Variants in SCAF1 observed in about 807,000 individuals in gnomAD.
SCAF1 encodes splicing factor, arginine/serine-rich 19.
A neutral mutation model predicts 91.2 loss-of-function variants in SCAF1; 28 were observed. The observed-to-expected ratio is 0.31, with a 90% CI of 0.23 to 0.42. SCAF1 has a LOEUF of 0.42. Among genes scored for constraint, SCAF1 ranks in the 10% least tolerant of loss-of-function variants. The pLI is 1.00. For missense variants in SCAF1, 1,893 were observed against 1,872.1 expected (o/e 1.01, Z -0.21); for synonymous variants, 1,036 against 833.7 (o/e 1.24, Z -4.18).
Position 49,652,122 on chromosome 19 carries a change from C to T in SCAF1, c.1733C>T (p.Ser578Phe). The change falls in exon 7 of 11, where the codon TCC becomes TTC. Residue 578 changes from serine to phenylalanine, a missense_variant. Physicochemically the swap from Ser to Phe is radical, Grantham distance 155. Coordinates refer to ENST00000360565, the MANE Select transcript of SCAF1 (RefSeq NM_021228.3). ...SSARRRSRSR[S>F]RSRSTRRRSR... Reference sequence around the variant, plus strand: ...GCCCGCCGCCGCTCCCGCTCCCGCTCCCGCTCCCGCTCCACCCGCCGCCGC... The same window carrying T: ...GCCCGCCGCCGCTCCCGCTCCCGCTTCCGCTCCCGCTCCACCCGCCGCCGC... 8.9e-7 allele frequency: 1 copy of T among 1,122,504 alleles called. No individual in the cohort carries two copies. The highest frequency in any genetic ancestry group is 1.1e-6 in the Non-Finnish European group (1 of 910,616). 69.5% of individuals were successfully genotyped at this position (1,122,504 alleles called of 1,614,324 possible).
Position 49,652,021 on chromosome 19 carries a change from C to T in SCAF1, c.1632C>T (p.Pro544=). Residue 544 remains proline, a synonymous_variant, in exon 7 of 11, where the codon CCC becomes CCT. Transcript: ENST00000360565. ...SSSSGTQPAP[P]APASPWDSKK... ...CGTCGGGCACCCAGCCAGCGCCGCC[C>T]GCCCCGGCCTCGCCCTGGGACTCCA... 8.2e-7 allele frequency: 1 copy of T among 1,215,080 alleles called. No homozygotes were observed. Among genetic ancestry groups the T allele is most frequent in the Non-Finnish European group, 1.0e-6 (1 of 966,522 alleles). The allele number at this position is 1,215,080 out of a possible 1,614,324, so 75.3% of individuals were successfully genotyped here.
At chr19:49,641,334 G>A (rs1018237471), upstream of SCAF1, among the ~76,000 whole-genome samples, 2 of 152,162 alleles carry the variant, frequency 1.3e-5, no homozygotes, top group Non-Finnish European at 2.9e-5. Flanking sequence ...GTTTATTTTT[G>A]AGACGGAGTT....
intron 9 of SCAF1, among the ~76,000 whole-genome samples, chr19:49,657,183 A>G (rs1427685397): frequency 6.6e-6 from 1 of 152,154 alleles, no homozygotes; most frequent in South Asian, 2.1e-4. Context: ...AGGAGCCACA[A>G]AAAGGTTTGG....
rs1246152341 is a variant in SCAF1, at chr19:49,651,891, C to T, written c.1502C>T (p.Pro501Leu). 5.1e-6 allele frequency: 6 copies of T among 1,181,342 alleles called. No homozygotes were observed. Among genetic ancestry groups the T allele is most frequent in the Middle Eastern group, 3.6e-4 (1 of 2,772 alleles). The allele number at this position is 1,181,342 out of a possible 1,614,324, so 73.2% of individuals were successfully genotyped here. A position where few individuals can be genotyped will look rare whatever the true frequency, so the allele number is the denominator to read the frequency against. ...CGCTACCGCCAGCGCTCGCCCTCCC[C>T]GGCGCCCGCGCCCGCCCCGGCCGCC... is the stretch of plus-strand genomic sequence containing the variant. ...RERYRQRSPS[P>L]APAPAPAAAA... Residue 501 changes from proline (P) to leucine (L), a missense_variant, in exon 7 of 11, where the codon CCG (proline) becomes CTG (leucine). Physicochemically the swap from Pro to Leu is moderately conservative, Grantham distance 98. Around this residue, in one of 5 missense-constraint regions of SCAF1, gnomAD observed 1,436 missense variants for 1,306.8 expected, o/e 1.10. Transcript: ENST00000360565.
intron 7 of SCAF1, among the ~76,000 whole-genome samples, chr19:49,653,954 G>C (rs578029481): frequency 6.6e-6 from 1 of 152,308 alleles, no homozygotes; most frequent in South Asian, 2.1e-4. Context: ...GATTCCCCTA[G>C]ACGGGGAGTA....
Position 49,652,013 on chromosome 19 carries a change from G to T in SCAF1, c.1624G>T (p.Ala542Ser). 8.3e-7 allele frequency: 1 copy of T among 1,204,630 alleles called. No homozygotes were observed. 74.6% of individuals were successfully genotyped at this position (1,204,630 alleles called of 1,614,324 possible). A position where few individuals can be genotyped will look rare whatever the true frequency, so the allele number is the denominator to read the frequency against. The change falls in exon 7 of 11, where the codon GCG becomes TCG. Residue 542 changes from alanine to serine, a missense_variant. Ala to Ser is a moderately conservative substitution (Grantham distance 99). Around this residue, in one of 5 missense-constraint regions of SCAF1, gnomAD observed 1,436 missense variants for 1,306.8 expected, o/e 1.10. Transcript: ENST00000360565. ...AASSSSGTQP[A>S]PPAPASPWDS... is the part of the protein sequence containing the mutation. ...CTCGTCCTCGTCGGGCACCCAGCCA[G>T]CGCCGCCCGCCCCGGCCTCGCCCTG...
At chr19:49,650,289 C>G (rs1275894984) in intron 6 of SCAF1, among the ~76,000 whole-genome samples, 1 of 152,172 alleles carries the variant, frequency 6.6e-6, no homozygotes, top group Admixed American at 6.5e-5. Context: ...GCACTGGAAT[C>G]TCACCCTCTA....
chr19:49,654,485 G>C (rs945724441), intron 8 of SCAF1, 54 bp downstream of exon 8: 6 of 1,555,070 alleles, frequency 3.9e-6, no homozygotes, highest in Non-Finnish European at 5.3e-6. Context: ...CCATTGCCTC[G>C]GGTTAGGAGA....
In SCAF1 at chr19:49,653,539, T is replaced by C; in HGVS notation, c.3150T>C (p.Thr1050=). The change falls in exon 7 of 11, where the codon ACT becomes ACC. Residue 1050 remains threonine (T), a synonymous_variant. Coordinates refer to ENST00000360565, the MANE Select transcript of SCAF1 (RefSeq NM_021228.3). The part of the protein sequence containing the change: ...QQPATTTATS[T]AAAAPSTAPS... Reference sequence around the variant, plus strand: ...CTGCTACCACCACGGCCACCAGCACTGCTGCAGCCGCCCCAAGCACTGCCC... The same window carrying C: ...CTGCTACCACCACGGCCACCAGCACCGCTGCAGCCGCCCCAAGCACTGCCC... 1 of 1,580,488 alleles carries C rather than the reference T, an allele frequency of 6.3e-7. No homozygotes were observed. The highest frequency in any genetic ancestry group is 8.6e-7 in the Non-Finnish European group (1 of 1,167,486).
At chr19:49,655,074 C>G (rs751755044) in intron 9 of SCAF1, among the ~76,000 whole-genome samples, 1 of 152,144 alleles carries the variant, frequency 6.6e-6, no homozygotes, top group Non-Finnish European at 1.5e-5. Flanking sequence ...AAAGGAAAAT[C>G]GCGTCTGTGC....
At chr19:49,644,807 A>T in intron 1 of SCAF1, 1 of 410,114 alleles carries the variant, frequency 2.4e-6, no homozygotes, top group Non-Finnish European at 4.3e-6. Flanking sequence ...CCCAGAAAAA[A>T]GGAAGAGAAT....
chr19:49,651,361 G>C lies in SCAF1; in HGVS notation c.972G>C (p.Ala324=). 6.2e-7 allele frequency: 1 copy of C among 1,607,444 alleles called. No individual in the cohort carries two copies. Among genetic ancestry groups the C allele is most frequent in the Middle Eastern group, 1.7e-4 (1 of 6,036 alleles). The change falls in exon 7 of 11, where the codon GCG becomes GCC. Residue 324 remains alanine, a synonymous_variant. Transcript: ENST00000360565. ...GTGACGAGAGCCCCCGCCCGGACGC[G>C]CAGCCCACACAGCCGACTCCCGCCC... ...FPGDESPRPD[A]QPTQPTPAPG... is the part of the protein sequence containing the mutation.
In SCAF1 at chr19:49,652,244, A is replaced by C. The variant is rs2081100557; in HGVS notation, c.1855A>C (p.Thr619Pro). Residue 619 changes from threonine to proline, a missense_variant, in exon 7 of 11, where the codon ACT becomes CCT. Transcript: ENST00000360565. ...GCGCTCCGCCTCCCCGCCCCCGGCC[A>C]CTTCCTCATCGTCGTCCTCGAGGCG... Reference protein sequence around the residue: ...RRRSASPPPATSSSSSSRRER... With the variant: ...RRRSASPPPAPSSSSSSRRER... The C allele has an allele frequency of 7.1e-7, 1 of 1,405,404 alleles. No individual in the cohort carries two copies. Among genetic ancestry groups the C allele is most frequent in the Non-Finnish European group, 9.2e-7 (1 of 1,083,760 alleles). The allele number at this position is 1,405,404 out of a possible 1,614,324, so 87.1% of individuals were successfully genotyped here. A position where few individuals can be genotyped will look rare whatever the true frequency, so the allele number is the denominator to read the frequency against.
At position 49,651,376 on chromosome 19, in the gene SCAF1, G is replaced by A. The variant is rs780773069; in HGVS notation, c.987G>A (p.Pro329=). ...GCCCGGACGCGCAGCCCACACAGCC[G>A]ACTCCCGCCCCTGGAACGCCGCCCC... ...SPRPDAQPTQ[P]TPAPGTPPQV... The change falls in exon 7 of 11, where the codon CCG becomes CCA. Residue 329 remains proline (P), a synonymous_variant. Transcript: ENST00000360565. 1.9e-6 allele frequency: 3 copies of A among 1,607,472 alleles called. No individual in the cohort carries two copies. The highest frequency in any genetic ancestry group is 3.3e-5 in the Admixed American group (2 of 59,898).
Position 49,651,552 on chromosome 19 carries a change from A to T in SCAF1, c.1163A>T (p.Asp388Val), listed in dbSNP as rs1167431687. Residue 388 changes from aspartate to valine, a missense_variant, in exon 7 of 11, where the codon GAC becomes GTC. Physicochemically the swap from Asp to Val is radical, Grantham distance 152. Around this residue, in one of 5 missense-constraint regions of SCAF1, gnomAD observed 1,436 missense variants for 1,306.8 expected, o/e 1.10. Coordinates refer to ENST00000360565, the MANE Select transcript of SCAF1 (RefSeq NM_021228.3). ...ALPPPLLPPG[D>V]SEIEEGEIVQ... Reference sequence around the variant, plus strand: ...CCGCCGCCCCTGCTGCCGCCCGGCGACTCGGAGATCGAGGAAGGGGAGATC... The same window carrying T: ...CCGCCGCCCCTGCTGCCGCCCGGCGTCTCGGAGATCGAGGAAGGGGAGATC... 1 of 1,556,568 alleles carries T rather than the reference A, an allele frequency of 6.4e-7. No individual in the cohort carries two copies. Among genetic ancestry groups the T allele is most frequent in the Non-Finnish European group, 8.7e-7 (1 of 1,152,592 alleles).
At position 49,651,099 on chromosome 19, in the gene SCAF1, C is replaced by T. The variant is rs765002828; in HGVS notation, c.710C>T (p.Ala237Val). 1 of 1,607,750 alleles carries T rather than the reference C, an allele frequency of 6.2e-7. No individual in the cohort carries two copies. Among genetic ancestry groups the T allele is most frequent in the Admixed American group, 1.7e-5 (1 of 59,410 alleles). The change falls in exon 7 of 11, where the codon GCC (alanine) becomes GTC (valine). Residue 237 changes from alanine (A) to valine (V), a missense_variant. Ala to Val is a moderately conservative substitution (Grantham distance 64). Transcript: ENST00000360565. ...GACCCCTTCCACCCCACCGACGAGGCCTACTCTCCACCGCCTGCTCCGGAG... is the reference window on the plus strand; with the variant it reads ...GACCCCTTCCACCCCACCGACGAGGTCTACTCTCCACCGCCTGCTCCGGAG... ...IYDPFHPTDE[A>V]YSPPPAPEQK...
intron 9 of SCAF1, among the ~76,000 whole-genome samples, chr19:49,656,532 T>A (rs2081140398): frequency 6.6e-6 from 1 of 152,216 alleles, no homozygotes; most frequent in Non-Finnish European, 1.5e-5. Context: ...GCAGAAGGCC[T>A]GTTCTTCTCT....
intron 9 of SCAF1, among the ~76,000 whole-genome samples, chr19:49,656,188 C>T (rs969094997): frequency 1.1e-4 from 16 of 152,210 alleles, no homozygotes; most frequent in African/African-American, 3.9e-4. Context: ...CTACAGTGGC[C>T]CTTGCTCTGC....
At position 49,652,841 on chromosome 19, in the gene SCAF1, G is replaced by A. The variant is rs906604187; in HGVS notation, c.2452G>A (p.Gly818Ser). Residue 818 changes from glycine (G) to serine (S), a missense_variant, in exon 7 of 11, where the codon GGC becomes AGC. By Grantham distance (56) the Gly-to-Ser change is moderately conservative. This residue lies in a region of SCAF1 where 1,436 missense variants were observed against 1,306.8 expected (regional missense o/e 1.10). Coordinates refer to ENST00000360565, the MANE Select transcript of SCAF1 (RefSeq NM_021228.3). ...PPKPPVSSGS[G>S]SSSSSSSCSS... is the part of the protein sequence containing the mutation. ...AAAGCCACCAGTCAGCAGCGGCTCA[G>A]GCTCTTCATCCTCGTCGTCCTCCTG... 3 of 1,614,084 alleles carry A rather than the reference G, an allele frequency of 1.9e-6. No homozygotes were observed. The highest frequency in any genetic ancestry group is 2.7e-5 in the African/African-American group (2 of 75,052).
Sources: allele counts gnomAD v4.1 joint callset (sites outside exome capture counted in the v4.1 genomes callset), GRCh38; gene constraint gnomAD v4.1.1; regional missense constraint gnomAD v4.1.1; transcripts MANE v1.5; gene names NCBI Gene and HGNC (gene_info 2026-07-23, HGNC 2026-07-21).